GJB7: variants seen among roughly 807,000 people sequenced by gnomAD.
The protein encoded by GJB7 is gap junction protein beta 7.
For synonymous variants in GJB7, 87 were observed against 95.2 expected, an observed-to-expected ratio of 0.91 and a Z score of 0.50; for missense variants, 253 against 256.8, an observed-to-expected ratio of 0.99 and a Z score of 0.10.
chr6:87,292,659 T>C (rs767398528), intron 2 of GJB7, among the ~76,000 whole-genome samples: 3 of 152,192 alleles, frequency 2.0e-5, no homozygotes, highest in Non-Finnish European at 4.4e-5. Context: ...ATTAAAGATA[T>C]GTAGAAATGA....
rs1394749982 is a variant in GJB7 at position 87,312,897 on chromosome 6, T to C, written c.-28+9969A>G. Among the ~76,000 whole-genome samples the C allele has an allele frequency of 3.3e-5, 5 of 152,152 alleles. No individual in the cohort carries two copies. The South Asian group carries it at 8.3e-4, about 25-fold the overall frequency. On this transcript the variant is annotated intron_variant, in intron 2 of 2. Transcript: ENST00000525899. ...GGCATTCCTAGTTGCTTGGAATGAG[T>C]GGTAGAGGTTTAGTGATCTGAAACA...
At chr6:87,297,993 G>T (rs1440635342) in intron 2 of GJB7, among the ~76,000 whole-genome samples, 4 of 151,992 alleles carry the variant, frequency 2.6e-5, no homozygotes, top group African/African-American at 9.7e-5. Context: ...TCTGTCACCA[G>T]AATTAAAGAG....
rs148302478 is a variant in GJB7 at position 87,302,152 on chromosome 6, C to G, written c.-27-17213G>C. Among the ~76,000 whole-genome samples, 582 of 152,334 alleles carry G rather than the reference C, an allele frequency of 3.8e-3. 19 individuals are homozygous for G. The highest frequency in any genetic ancestry group is 0.028 in the East Asian group (145 of 5,188). Reference sequence around the variant, plus strand: ...CCCTCCAAAGGAATGCAGCTCCTCACCAGCAATGCAACAAAGCTGGATGGA... The same window carrying G: ...CCCTCCAAAGGAATGCAGCTCCTCAGCAGCAATGCAACAAAGCTGGATGGA... On this transcript the variant is annotated intron_variant, in intron 2 of 2. Transcript: ENST00000525899.
chr6:87,284,767 T>C lies in GJB7; in HGVS notation c.146A>G (p.Lys49Arg), dbSNP rs139073252. The change falls in exon 3 of 3, where the codon AAA (lysine) becomes AGA (arginine). Residue 49 changes from lysine (K) to arginine (R), a missense_variant. Coordinates refer to ENST00000525899, the MANE Select transcript of GJB7 (RefSeq NM_198568.3). ...AAEHVWKDEQKEFECNSRQPG... is the reference protein window; with the variant it reads ...AAEHVWKDEQREFECNSRQPG... The stretch of plus-strand genomic sequence containing the variant: ...CTGTCTACTGTTGCACTCAAACTCT[T>C]TCTGCTCATCTTTCCACACGTGCTC... 55 of 1,613,992 alleles carry C rather than the reference T, an allele frequency of 3.4e-5. 1 individual carries two copies. In the African/African-American group the frequency reaches 5.2e-4, roughly 15 times the overall value.
At chr6:87,300,222 G>C (rs1263377194) in intron 2 of GJB7, 1 of 202,790 alleles carries the variant, frequency 4.9e-6, no homozygotes, top group Admixed American at 6.1e-5. Context: ...AAGGATTTTT[G>C]ATAGTTGAGA....
In GJB7 at chr6:87,284,675, G is replaced by A; in HGVS notation, c.238C>T (p.Gln80Ter). 6.2e-7 allele frequency: 1 copy of A among 1,614,160 alleles called. No individual in the cohort carries two copies. ...GAAGGTGTGGAGACCATTATCAGTT[G>A]TAAGGCCCAAAGTCTGACTTGGGAA... ...PISQVRLWAL[Q>*]LIMVSTPSLL... The change falls in exon 3 of 3, where the codon CAA becomes TAA. Residue 80 changes from glutamine to a stop codon, truncating the protein, a stop_gained. Transcript: ENST00000525899. LOFTEE classifies it low-confidence loss of function (END_TRUNC).
intron 2 of GJB7, among the ~76,000 whole-genome samples, chr6:87,313,134 A>C (rs1776534211): frequency 6.6e-6 from 1 of 152,238 alleles, no homozygotes; most frequent in Non-Finnish European, 1.5e-5. Context: ...GTAATCTACA[A>C]ATAATCCTGC....
At chr6:87,319,888 T>A (rs1202203279) in intron 2 of GJB7, among the ~76,000 whole-genome samples, 1 of 152,194 alleles carries the variant, frequency 6.6e-6, no homozygotes, top group South Asian at 2.1e-4. Flanking sequence ...GAGGACATTA[T>A]TTTCAGTGAA....
intron 2 of GJB7, among the ~76,000 whole-genome samples, chr6:87,293,123 G>A (rs756902577): frequency 3.3e-4 from 50 of 152,030 alleles, no homozygotes; most frequent in Middle Eastern, 3.2e-3. Context: ...CCTCCCCTTC[G>A]CGGGTTCAAG....
intron 2 of GJB7, among the ~76,000 whole-genome samples, chr6:87,305,924 G>A (rs1192860925): frequency 2.6e-5 from 4 of 152,076 alleles, no homozygotes; most frequent in Admixed American, 6.5e-5. Flanking sequence ...CAAGCAATGG[G>A]GAAAGGATTC....
intron 2 of GJB7, among the ~76,000 whole-genome samples, chr6:87,317,719 T>C (rs1246092131): frequency 6.6e-6 from 1 of 152,140 alleles, no homozygotes; most frequent in Non-Finnish European, 1.5e-5. Flanking sequence ...GCGTGAGCCA[T>C]GGTGGCCAGC....
chr6:87,282,987 A>G lies in GJB7; in HGVS notation c.*1254T>C, dbSNP rs1775999048. 1 of 152,254 alleles carries G rather than the reference A, an allele frequency of 6.6e-6. No homozygotes were observed. The highest frequency in any genetic ancestry group is 2.1e-4 in the South Asian group (1 of 4,836). 9.4% of individuals were successfully genotyped at this position (152,254 alleles called of 1,614,324 possible). On this transcript the variant is annotated 3_prime_UTR_variant, in exon 3 of 3. Transcript: ENST00000525899. ...CCAATGACAGCCAAAGAGCATTGTG[A>G]AATACCCTTATTTTTATTCTGAAGA...
At chr6:87,296,027 A>G (rs1776245372) in intron 2 of GJB7, among the ~76,000 whole-genome samples, 1 of 152,244 alleles carries the variant, frequency 6.6e-6, no homozygotes, top group Non-Finnish European at 1.5e-5. Context: ...ACAAATGAAA[A>G]GCCATATTTC....
chr6:87,314,403 A>G (rs1261020298), intron 2 of GJB7, among the ~76,000 whole-genome samples: 1 of 152,158 alleles, frequency 6.6e-6, no homozygotes, highest in African/African-American at 2.4e-5. Context: ...AAGTAAGAAG[A>G]AGGGTGAGTT....
intron 1 of GJB7, among the ~76,000 whole-genome samples, chr6:87,323,508 A>G (rs909656883): frequency 6.9e-6 from 1 of 144,676 alleles, no homozygotes; most frequent in Non-Finnish European, 1.5e-5. Flanking sequence ...CCCACCTATG[A>G]GTGAGAATAT....
chr6:87,306,604 G>T (rs928053613), intron 2 of GJB7, among the ~76,000 whole-genome samples: 2 of 152,044 alleles, frequency 1.3e-5, no homozygotes, highest in African/African-American at 2.4e-5. Context: ...AACCATTGTG[G>T]AAGTCAGTGT....
chr6:87,310,509 G>A (rs901344301), intron 2 of GJB7, among the ~76,000 whole-genome samples: 15 of 152,094 alleles, frequency 9.9e-5, no homozygotes, highest in African/African-American at 3.6e-4. Context: ...AACAAGTGTG[G>A]GAGGGGGGTG....
At chr6:87,307,220 A>T (rs1776442844) in intron 2 of GJB7, among the ~76,000 whole-genome samples, 1 of 149,006 alleles carries the variant, frequency 6.7e-6, no homozygotes, top group African/African-American at 2.6e-5. Flanking sequence ...AAAAACTATT[A>T]AAAAAAAGAT....
chr6:87,314,904 A>C (rs1005366173), intron 2 of GJB7, among the ~76,000 whole-genome samples: 4 of 152,194 alleles, frequency 2.6e-5, no homozygotes, highest in African/African-American at 9.7e-5. Context: ...TGGAGAAGAG[A>C]AACAATAAAG....
Sources: allele counts gnomAD v4.1 joint callset (sites outside exome capture counted in the v4.1 genomes callset), GRCh38; gene constraint gnomAD v4.1.1; transcripts MANE v1.5; gene names NCBI Gene and HGNC (gene_info 2026-07-23, HGNC 2026-07-21).